Variants in SLC9A4 observed in about 807,000 individuals in gnomAD.
The protein encoded by SLC9A4 is solute carrier family 9 member A4.
SLC9A4 carries 63 observed loss-of-function variants against 67.4 expected under a neutral mutation model. The observed-to-expected ratio is 0.93, with a 90% CI of 0.76 to 1.15. The LOEUF is 1.15. Ranked by LOEUF, SLC9A4 falls within the 50% of genes most tolerant of loss-of-function variation. The pLI is 0.00. For missense variants in SLC9A4, 1,089 were observed against 987.7 expected, an observed-to-expected ratio of 1.10 and a Z score of -1.38; for synonymous variants, 393 against 367.2, an observed-to-expected ratio of 1.07 and a Z score of -0.80.
intron 2 of SLC9A4, among the ~76,000 whole-genome samples, chr2:102,482,032 A>G (rs552904205): frequency 6.6e-6 from 1 of 152,226 alleles, no homozygotes; most frequent in South Asian, 2.1e-4. Context: ...TCATTTATTC[A>G]TAGCGAGAAT....
In SLC9A4 at chr2:102,503,559, G is replaced by A; in HGVS notation, c.832G>A (p.Val278Ile). The A allele has an allele frequency of 6.2e-7, 1 of 1,614,108 alleles. No homozygotes were observed. Among genetic ancestry groups the A allele is most frequent in the Non-Finnish European group, 8.5e-7 (1 of 1,180,036 alleles). ...ATTCATCGTTGTGGGGCTTGGAGGG[G>A]TATTGTTTGGCATCGTTTTTGGATT... ...ARFIVVGLGG[V>I]LFGIVFGFIS... The change falls in exon 3 of 12, where the codon GTA (valine) becomes ATA (isoleucine). Residue 278 changes from valine to isoleucine, a missense_variant. By Grantham distance (29) the Val-to-Ile change is conservative. Transcript: ENST00000295269.
intron 1 of SLC9A4, among the ~76,000 whole-genome samples, chr2:102,475,568 T>C (rs1338739786): frequency 7.2e-5 from 11 of 152,234 alleles, no homozygotes; most frequent in African/African-American, 2.4e-4. Flanking sequence ...AAGAACACTG[T>C]GAAAATACGA....
intron 2 of SLC9A4, among the ~76,000 whole-genome samples, chr2:102,488,122 A>T (rs1684624906): frequency 6.6e-6 from 1 of 152,158 alleles, no homozygotes; most frequent in African/African-American, 2.4e-5. Context: ...AAAAGCGTAG[A>T]GCTTCAAGCA....
At position 102,508,995 on chromosome 2, in the gene SLC9A4, G is replaced by C. The variant is rs894119675; in HGVS notation, c.1488+62G>C. ...AGACATTTCCCCTTTGTCACCATGA[G>C]ACATGTGCACGTGTCACTAGACTTC... On this transcript the variant is annotated intron_variant, in intron 6 of 11. Coordinates refer to ENST00000295269, the MANE Select transcript of SLC9A4 (RefSeq NM_001011552.4). 3 of 1,414,406 alleles carry C rather than the reference G, an allele frequency of 2.1e-6. No homozygotes were observed. The African/African-American group carries it at 4.3e-5, about 20-fold the overall frequency. 87.6% of individuals were successfully genotyped at this position (1,414,406 alleles called of 1,614,324 possible).
At chr2:102,520,578 C>A (rs1394582153) in intron 9 of SLC9A4, among the ~76,000 whole-genome samples, 2 of 152,100 alleles carry the variant, frequency 1.3e-5, no homozygotes, top group African/African-American at 2.4e-5. Flanking sequence ...CTAACGAAGT[C>A]ATATAATGAC....
intron 9 of SLC9A4, 151 bp downstream of exon 9, chr2:102,520,106 G>T: frequency 1.6e-6 from 1 of 635,776 alleles, no homozygotes; most frequent in East Asian, 2.9e-5. Context: ...TTAGTTTGGA[G>T]AATAGAAAGT....
chr2:102,503,553 G>C lies in SLC9A4; in HGVS notation c.826G>C (p.Gly276Arg). The C allele has an allele frequency of 6.2e-7, 1 of 1,614,166 alleles. No individual in the cohort carries two copies. The highest frequency in any genetic ancestry group is 8.5e-7 in the Non-Finnish European group (1 of 1,180,032). Residue 276 changes from glycine (G) to arginine (R), a missense_variant, in exon 3 of 12, where the codon GGA (glycine) becomes CGA (arginine). By Grantham distance (125) the Gly-to-Arg change is moderately radical. Transcript: ENST00000295269. ...GCARFIVVGL[G>R]GVLFGIVFGF... ...TGCCCGATTCATCGTTGTGGGGCTT[G>C]GAGGGGTATTGTTTGGCATCGTTTT...
chr2:102,477,536 T>C (rs1684359942), intron 1 of SLC9A4, among the ~76,000 whole-genome samples: 1 of 152,178 alleles, frequency 6.6e-6, no homozygotes, highest in African/African-American at 2.4e-5. Flanking sequence ...AGTTTCCACA[T>C]TAGTAGGAGA....
At position 102,508,278 on chromosome 2, in the gene SLC9A4, T is replaced by G; in HGVS notation, c.1398T>G (p.Ile466Met). 1.2e-6 allele frequency: 2 copies of G among 1,607,324 alleles called. No individual in the cohort carries two copies. The highest frequency in any genetic ancestry group is 1.7e-6 in the Non-Finnish European group (2 of 1,174,856). Reference protein sequence around the residue: ...TLVVIYFTVFIQGITVGPLVR... With the variant: ...TLVVIYFTVFMQGITVGPLVR... ...TAGTTATATACTTTACTGTATTTAT[T>G]CAGGTAAGTAGATTTCCCTTATATT... Residue 466 changes from isoleucine to methionine, a missense_variant, in exon 5 of 12, where the codon ATT becomes ATG. Physicochemically the swap from Ile to Met is conservative, Grantham distance 10. Transcript: ENST00000295269.
rs996929539 is a variant in SLC9A4, at chr2:102,532,522, C to A, written c.2231C>A (p.Ala744Asp). 1.2e-6 allele frequency: 2 copies of A among 1,613,884 alleles called. No individual in the cohort carries two copies. Among genetic ancestry groups the A allele is most frequent in the African/African-American group, 1.3e-5 (1 of 74,882 alleles). Residue 744 changes from alanine to aspartate, a missense_variant, in exon 12 of 12, where the codon GCC (alanine) becomes GAC (aspartate). By Grantham distance (126) the Ala-to-Asp change is moderately radical (BLOSUM62 -2). Transcript: ENST00000295269. ...TACTTGGGTGGAGTAAGGAGGGTGG[C>A]CTTAAGACCCAAACCTCTGTTTCAT... is the stretch of plus-strand genomic sequence containing the variant. The part of the protein sequence containing the change: ...EEYLGGVRRV[A>D]LRPKPLFHAV...
At chr2:102,527,295 A>G (rs766165282) in intron 11 of SLC9A4, among the ~76,000 whole-genome samples, 1 of 152,192 alleles carries the variant, frequency 6.6e-6, no homozygotes, top group Non-Finnish European at 1.5e-5. Context: ...ACATTGCATC[A>G]TATGATACAT....
chr2:102,482,374 G>A (rs1684483417), intron 2 of SLC9A4, among the ~76,000 whole-genome samples: 1 of 152,146 alleles, frequency 6.6e-6, no homozygotes, highest in Admixed American at 6.5e-5. Context: ...CCTTTAGGTT[G>A]AGAGAAACTG....
Position 102,479,082 on chromosome 2 carries a change from T to C in SLC9A4, c.500T>C (p.Leu167Pro), listed in dbSNP as rs772086229. Reference protein sequence around the residue: ...SILWWAVLGALINALGIGLSL... With the variant: ...SILWWAVLGAPINALGIGLSL... ...CTGTGGTGGGCAGTATTGGGGGCCCTGATCAACGCCTTGGGCATTGGCCTC... is the reference window on the plus strand; with the variant it reads ...CTGTGGTGGGCAGTATTGGGGGCCCCGATCAACGCCTTGGGCATTGGCCTC... The change falls in exon 2 of 12, where the codon CTG becomes CCG. Residue 167 changes from leucine to proline, a missense_variant. By Grantham distance (98) the Leu-to-Pro change is moderately conservative. Coordinates refer to ENST00000295269, the MANE Select transcript of SLC9A4 (RefSeq NM_001011552.4). 1 of 1,614,166 alleles carries C rather than the reference T, an allele frequency of 6.2e-7. No individual in the cohort carries two copies. The highest frequency in any genetic ancestry group is 8.5e-7 in the Non-Finnish European group (1 of 1,180,018).
intron 2 of SLC9A4, among the ~76,000 whole-genome samples, 185 bp downstream of exon 2, chr2:102,479,487 G>T (rs6753066): frequency 2.0e-5 from 3 of 152,046 alleles, no homozygotes; most frequent in African/African-American, 7.3e-5. Flanking sequence ...CTACATAACG[G>T]TTCACTCACA....
chr2:102,485,468 A>G (rs757930861), intron 2 of SLC9A4, among the ~76,000 whole-genome samples: 9 of 152,220 alleles, frequency 5.9e-5, no homozygotes, highest in Non-Finnish European at 1.3e-4. Flanking sequence ...CTGATCCCTC[A>G]TGCTAGAATT....
chr2:102,488,548 CTTT>C lies in SLC9A4; in HGVS notation c.720+9262_720+9264del, dbSNP rs5833020. 7.5e-3 allele frequency among the ~76,000 whole-genome samples: 932 copies of C among 124,002 alleles called. 6 individuals carry two copies. The highest frequency in any genetic ancestry group is 0.019 in the African/African-American group (564 of 30,206). The allele number at this position is 124,002 out of a possible 152,430, so 81.4% of individuals were successfully genotyped here. ...GCTGAGAGACCATGAAATCTAATTC[CTTT>C]TTTTTTTTTTTTTTTGAGACGGAGT... On this transcript the variant is annotated intron_variant, in intron 2 of 11. Transcript: ENST00000295269.
chr2:102,514,990 T>C (rs765864909), intron 8 of SLC9A4, among the ~76,000 whole-genome samples: 3 of 152,202 alleles, frequency 2.0e-5, no homozygotes, highest in Non-Finnish European at 4.4e-5. Flanking sequence ...TAAATACTTC[T>C]TAAAGCTGTT....
intron 2 of SLC9A4, among the ~76,000 whole-genome samples, chr2:102,500,507 C>A (rs1684908066): frequency 6.6e-6 from 1 of 152,064 alleles, no homozygotes; most frequent in Admixed American, 6.5e-5. Context: ...AACTCATTAG[C>A]AGAGGGCCAC....
intron 2 of SLC9A4, among the ~76,000 whole-genome samples, chr2:102,483,841 T>TATATATACACAC (rs370126753): frequency 4.0e-4 from 51 of 126,744 alleles, no homozygotes; most frequent in African/African-American, 1.3e-3. Context: ...TATATATATA[T>TATATATACACAC]ACACACACAC....
Sources: allele counts gnomAD v4.1 joint callset (sites outside exome capture counted in the v4.1 genomes callset), GRCh38; gene constraint gnomAD v4.1.1; transcripts MANE v1.5; gene names NCBI Gene and HGNC (gene_info 2026-07-23, HGNC 2026-07-21).